Variants in BTG2 observed in about 807,000 individuals in gnomAD.
BTG2 encodes the protein protein BTG2.
Under a neutral mutation model 13.1 loss-of-function variants are expected in BTG2, and 9 were observed. The observed-to-expected ratio is 0.69, with a 90% CI of 0.41 to 1.20. The LOEUF is 1.20. BTG2 is among the 50% of genes most tolerant of loss of function. The pLI is 0.00. For synonymous variants in BTG2, 92 were observed against 88.6 expected (o/e 1.04, Z -0.21); for missense variants, 200 against 209.5 (o/e 0.95, Z 0.28).
chr1:203,307,281 A>G lies in BTG2; in HGVS notation c.320A>G (p.Tyr107Cys), dbSNP rs765966973. Residue 107 changes from tyrosine to cysteine, a missense_variant, in exon 2 of 2, where the codon TAT becomes TGT. Coordinates refer to ENST00000290551, the MANE Select transcript of BTG2 (RefSeq NM_006763.3). ...PSELTLWVDPYEVSYRIGEDG... is the reference protein window; with the variant it reads ...PSELTLWVDPCEVSYRIGEDG... ...GAGCTGACCCTGTGGGTGGACCCCT[A>G]TGAGGTGTCCTACCGCATTGGGGAG... 3 of 1,614,188 alleles carry G rather than the reference A, an allele frequency of 1.9e-6. No individual in the cohort carries two copies. Among genetic ancestry groups the G allele is most frequent in the Non-Finnish European group, 2.5e-6 (3 of 1,180,030 alleles).
In BTG2 at chr1:203,306,848, TCACACA is replaced by T. The variant is rs56272333; in HGVS notation, c.143-234_143-229del. Among the ~76,000 whole-genome samples, 603 of 131,414 alleles carry T rather than the reference TCACACA, an allele frequency of 4.6e-3. 1 individual carries two copies. The highest frequency in any genetic ancestry group is 0.011 in the African/African-American group (328 of 29,780). The allele number at this position is 131,414 out of a possible 152,430, so 86.2% of individuals were successfully genotyped here. A position where few individuals can be genotyped will look rare whatever the true frequency, so the allele number is the denominator to read the frequency against. On this transcript the variant is annotated intron_variant, in intron 1 of 1. Coordinates refer to ENST00000290551, the MANE Select transcript of BTG2 (RefSeq NM_006763.3). ...CTCTCTCTCACACACACACACTCAG[TCACACA>T]CACACACACACACACACACACTCTC...
rs1658336838 is a variant in BTG2, at chr1:203,309,170, A to G, written c.*1732A>G. 1 of 152,618 alleles carries G rather than the reference A, an allele frequency of 6.6e-6. No individual in the cohort carries two copies. 9.5% of individuals were successfully genotyped at this position (152,618 alleles called of 1,614,324 possible). ...TCCTTTTCAACTCTCCACATTTTGT[A>G]TTGCCTTCCCAGACCTGCTTCCAGT... On this transcript the variant is annotated 3_prime_UTR_variant, in exon 2 of 2. Transcript: ENST00000290551.
In BTG2 at chr1:203,307,211, C is replaced by T. The variant is rs1340471114; in HGVS notation, c.250C>T (p.Gln84Ter). ...MDPIISRVAS[Q>*]IGLSQPQLHQ... ...CCCCATCATCAGCAGGGTGGCCAGC[C>T]AGATCGGACTCAGCCAGCCCCAGCT... The change falls in exon 2 of 2, where the codon CAG (glutamine) becomes TAG (stop). Residue 84 changes from glutamine (Q) to a stop codon, truncating the protein, a stop_gained. Transcript: ENST00000290551. LOFTEE classifies it high-confidence loss of function. 2 of 1,614,250 alleles carry T rather than the reference C, an allele frequency of 1.2e-6. No individual in the cohort carries two copies. Among genetic ancestry groups the T allele is most frequent in the Non-Finnish European group, 1.7e-6 (2 of 1,180,058 alleles).
At chr1:203,306,526 C>T (rs147230428) in intron 1 of BTG2, among the ~76,000 whole-genome samples, 6 of 152,224 alleles carry the variant, frequency 3.9e-5, no homozygotes, top group African/African-American at 1.4e-4. Context: ...ATCAAAACAA[C>T]CCAGTTTTCA....
chr1:203,305,799 G>A (rs749294784), intron 1 of BTG2, 51 bp downstream of exon 1: 4 of 1,518,598 alleles, frequency 2.6e-6, no homozygotes, highest in African/African-American at 1.4e-5. Flanking sequence ...CCCCATCCCT[G>A]CCAGGGCCGT....
chr1:203,305,777 A>C, intron 1 of BTG2, 29 bp downstream of exon 1: 1 of 1,534,530 alleles, frequency 6.5e-7, no homozygotes. Context: ...GCCTGGCGCC[A>C]CCGGGGGTCG....
In BTG2 at chr1:203,305,687, G is replaced by A; in HGVS notation, c.81G>A (p.Arg27=). The part of the protein sequence containing the change: ...VGFLSSLLRT[R]GCVSEQRLKV... ...TCCTCTCCAGCCTCCTGAGGACCCGGGGCTGCGTGAGCGAGCAGAGGCTTA... is the reference window on the plus strand; with the variant it reads ...TCCTCTCCAGCCTCCTGAGGACCCGAGGCTGCGTGAGCGAGCAGAGGCTTA... Residue 27 remains arginine, a synonymous_variant, in exon 1 of 2, where the codon CGG becomes CGA. Transcript: ENST00000290551. 1 of 1,562,284 alleles carries A rather than the reference G, an allele frequency of 6.4e-7. No individual in the cohort carries two copies. Among genetic ancestry groups the A allele is most frequent in the Non-Finnish European group, 8.7e-7 (1 of 1,153,304 alleles).
At chr1:203,305,817 C>CT (rs2102283835) in intron 1 of BTG2, 69 bp downstream of exon 1, 1 of 1,498,564 alleles carries the variant, frequency 6.7e-7, no homozygotes, top group African/African-American at 1.4e-5. Context: ...CGTCTTTCTT[C>CT]TACTCCTGCG....
intron 1 of BTG2, 53 bp from the exon 2 acceptor site, chr1:203,307,051 C>G: frequency 6.6e-7 from 1 of 1,519,240 alleles, no homozygotes; most frequent in Non-Finnish European, 9.1e-7. Context: ...ATGGTAGTAT[C>G]CATGGCCTAG....
chr1:203,306,057 T>C (rs1658255235), intron 1 of BTG2, among the ~76,000 whole-genome samples: 1 of 152,024 alleles, frequency 6.6e-6, no homozygotes, highest in African/African-American at 2.4e-5. Context: ...CGGGCTCGTC[T>C]CCCTCGCTGG....
chr1:203,306,095 G>T (rs998194274), intron 1 of BTG2, among the ~76,000 whole-genome samples: 1 of 152,268 alleles, frequency 6.6e-6, no homozygotes, highest in African/African-American at 2.4e-5. Context: ...ACCCTCGATG[G>T]ATGTTGTTGC....
In BTG2 at chr1:203,308,446, G is replaced by C. The variant is rs1365946027; in HGVS notation, c.*1008G>C. 6.5e-6 allele frequency: 1 copy of C among 152,690 alleles called. No individual in the cohort carries two copies. The highest frequency in any genetic ancestry group is 1.9e-4 in the East Asian group (1 of 5,180). 9.5% of individuals were successfully genotyped at this position (152,690 alleles called of 1,614,324 possible). A position where few individuals can be genotyped will look rare whatever the true frequency, so the allele number is the denominator to read the frequency against. ...AACCCTCCCCTCCCCCTTCCCTTCT[G>C]GTCGGGTCATAGAGCTACCGTATTT... On this transcript the variant is annotated 3_prime_UTR_variant, in exon 2 of 2. Coordinates refer to ENST00000290551, the MANE Select transcript of BTG2 (RefSeq NM_006763.3).
At chr1:203,305,784 G>A (rs56045415) in intron 1 of BTG2, 36 bp downstream of exon 1, 25 of 1,534,028 alleles carry the variant, frequency 1.6e-5, no homozygotes, top group Non-Finnish European at 2.0e-5. Flanking sequence ...GCCACCGGGG[G>A]TCGGCCCCAT....
In BTG2 at chr1:203,307,946, T is replaced by G. The variant is rs1293254474; in HGVS notation, c.*508T>G. ...CCTGGACTTAAACAATACTATGTTA[T>G]CTTTTCTTTTATTTTTCTAATGAGG... On this transcript the variant is annotated 3_prime_UTR_variant, in exon 2 of 2. Coordinates refer to ENST00000290551, the MANE Select transcript of BTG2 (RefSeq NM_006763.3). 1 of 152,740 alleles carries G rather than the reference T, an allele frequency of 6.5e-6. No individual in the cohort carries two copies. The highest frequency in any genetic ancestry group is 2.4e-5 in the African/African-American group (1 of 41,450). The allele number at this position is 152,740 out of a possible 1,614,324, so 9.5% of individuals were successfully genotyped here. A position where few individuals can be genotyped will look rare whatever the true frequency, so the allele number is the denominator to read the frequency against.
Position 203,307,361 on chromosome 1 carries a change from C to G in BTG2, c.400C>G (p.Leu134Val). ...GGCCCCACTGGCCGCCTCCTGTGGG[C>G]TCCTCACCTGCAAGAACCAAGTGCT... is the stretch of plus-strand genomic sequence containing the variant. ...EEAPLAASCG[L>V]LTCKNQVLLG... Residue 134 changes from leucine to valine, a missense_variant, in exon 2 of 2, where the codon CTC becomes GTC. By Grantham distance (32) the Leu-to-Val change is conservative. Transcript: ENST00000290551. 1 of 1,613,280 alleles carries G rather than the reference C, an allele frequency of 6.2e-7. No individual in the cohort carries two copies. The highest frequency in any genetic ancestry group is 1.7e-5 in the Admixed American group (1 of 60,020).
chr1:203,306,289 C>T (rs1658270574), intron 1 of BTG2, among the ~76,000 whole-genome samples: 1 of 152,142 alleles, frequency 6.6e-6, no homozygotes, highest in African/African-American at 2.4e-5. Flanking sequence ...CTTTGGTTCC[C>T]CTTAGCCATC....
Position 203,309,059 on chromosome 1 carries a change from C to G in BTG2, c.*1621C>G, listed in dbSNP as rs1477675831. On this transcript the variant is annotated 3_prime_UTR_variant, in exon 2 of 2. Coordinates refer to ENST00000290551, the MANE Select transcript of BTG2 (RefSeq NM_006763.3). ...GGTTCTCCTCCCCACAGCCAGTCCC[C>G]TTTCCTGGATTTCTAAACTGCTCAA... is the stretch of plus-strand genomic sequence containing the variant. 1.3e-5 allele frequency: 2 copies of G among 152,718 alleles called. No individual in the cohort carries two copies. The highest frequency in any genetic ancestry group is 2.9e-5 in the Non-Finnish European group (2 of 68,064). 9.5% of individuals were successfully genotyped at this position (152,718 alleles called of 1,614,324 possible). A position where few individuals can be genotyped will look rare whatever the true frequency, so the allele number is the denominator to read the frequency against.
At position 203,308,139 on chromosome 1, in the gene BTG2, G is replaced by A. The variant is rs1281527839; in HGVS notation, c.*701G>A. On this transcript the variant is annotated 3_prime_UTR_variant, in exon 2 of 2. Coordinates refer to ENST00000290551, the MANE Select transcript of BTG2 (RefSeq NM_006763.3). ...TGAGGGGGGGGAGGAGGGAACTGGA[G>A]GTTATTGGGGTTAGGATGGAAGGGA... 6.6e-6 allele frequency: 1 copy of A among 152,568 alleles called. No homozygotes were observed. Among genetic ancestry groups the A allele is most frequent in the Non-Finnish European group, 1.5e-5 (1 of 68,034 alleles). 9.5% of individuals were successfully genotyped at this position (152,568 alleles called of 1,614,324 possible). A position where few individuals can be genotyped will look rare whatever the true frequency, so the allele number is the denominator to read the frequency against.
rs1658301232 is a variant in BTG2 at position 203,307,328 on chromosome 1, T to C, written c.367T>C (p.Tyr123His). The C allele has an allele frequency of 6.2e-7, 1 of 1,614,052 alleles. No homozygotes were observed. The highest frequency in any genetic ancestry group is 8.5e-7 in the Non-Finnish European group (1 of 1,179,926). Residue 123 changes from tyrosine to histidine, a missense_variant, in exon 2 of 2, where the codon TAC (tyrosine) becomes CAC (histidine). Tyr to His is a moderately conservative substitution (Grantham distance 83). Coordinates refer to ENST00000290551, the MANE Select transcript of BTG2 (RefSeq NM_006763.3). ...IGEDGSICVL[Y>H]EEAPLAASCG... is the part of the protein sequence containing the mutation. ...GGAGGACGGCTCCATCTGCGTCTTG[T>C]ACGAGGAGGCCCCACTGGCCGCCTC...
Sources: allele counts gnomAD v4.1 joint callset (sites outside exome capture counted in the v4.1 genomes callset), GRCh38; gene constraint gnomAD v4.1.1; transcripts MANE v1.5; gene names NCBI Gene and HGNC (gene_info 2026-07-23, HGNC 2026-07-21).